NLGN1: variants seen among roughly 807,000 people sequenced by gnomAD.
NLGN1 encodes the protein neuroligin 1, also known as neuroligin-1.
In NLGN1, 12 loss-of-function variants were observed where a neutral mutation model predicts 65.5. That is an observed-to-expected ratio of 0.18 (90% CI 0.12 to 0.30). NLGN1 has a LOEUF of 0.30. Ranked by LOEUF, NLGN1 falls within the 10% of genes least tolerant of loss-of-function variation. The pLI is 1.00. For missense variants in NLGN1, 750 were observed against 1,007.1 expected (o/e 0.74, Z 3.46); for synonymous variants, 350 against 359.5 (o/e 0.97, Z 0.30).
Position 173,836,826 on chromosome 3 carries a change from C to T in NLGN1, c.646+28994C>T, listed in dbSNP as rs530855247. 4.6e-5 allele frequency among the ~76,000 whole-genome samples: 7 copies of T among 152,182 alleles called. No homozygotes were observed. The South Asian group carries it at 8.3e-4, about 18-fold the overall frequency. On this transcript the variant is annotated intron_variant, in intron 4 of 6. Coordinates refer to ENST00000457714, the Ensembl canonical transcript of NLGN1. Reference sequence around the variant, plus strand: ...AAAGTTAGAAGAGTGTGGCATTTCACGTAACTTCAAATTAAAATGAGCATT... The same window carrying T: ...AAAGTTAGAAGAGTGTGGCATTTCATGTAACTTCAAATTAAAATGAGCATT...
At chr3:173,658,045 T>C (rs1349973422) in intron 3 of NLGN1, among the ~76,000 whole-genome samples, 1 of 151,858 alleles carries the variant, frequency 6.6e-6, no homozygotes, top group African/African-American at 2.4e-5. Flanking sequence ...AAAACATAGG[T>C]AATTAAAGAA....
chr3:173,427,419 C>CT (rs890454604), intron 1 of NLGN1, among the ~76,000 whole-genome samples: 1 of 151,744 alleles, frequency 6.6e-6, no homozygotes, highest in African/African-American at 2.4e-5. Flanking sequence ...TTTTAGAAGT[C>CT]TTTTTTCTTT....
intron 2 of NLGN1, among the ~76,000 whole-genome samples, chr3:173,446,780 A>G (rs1014722682): frequency 2.6e-5 from 4 of 152,128 alleles, no homozygotes; most frequent in Non-Finnish European, 4.4e-5. Context: ...ATGGGATCTC[A>G]TTGTGGTTTT....
intron 4 of NLGN1, among the ~76,000 whole-genome samples, chr3:173,899,229 A>G (rs1736887401): frequency 6.6e-6 from 1 of 152,150 alleles, no homozygotes. Context: ...TTAAAAACCT[A>G]AAATGGGATC....
At chr3:174,208,433 C>T (rs537352304) in intron 4 of NLGN1, among the ~76,000 whole-genome samples, 1 of 152,264 alleles carries the variant, frequency 6.6e-6, no homozygotes, top group African/African-American at 2.4e-5. Flanking sequence ...CTCACCATTA[C>T]TGCAGCCAAT....
At chr3:173,915,768 G>A (rs1211167128) in intron 4 of NLGN1, among the ~76,000 whole-genome samples, 1 of 151,304 alleles carries the variant, frequency 6.6e-6, no homozygotes. Context: ...TTCAGACATT[G>A]AATAGCCTTT....
chr3:173,587,292 A>G (rs191331828), intron 2 of NLGN1, among the ~76,000 whole-genome samples: 6 of 152,322 alleles, frequency 3.9e-5, no homozygotes, highest in African/African-American at 1.4e-4. Flanking sequence ...TCTCTTTGTT[A>G]TAATCTACTT....
At chr3:174,070,124 G>T (rs1305638515) in intron 4 of NLGN1, among the ~76,000 whole-genome samples, 1 of 152,138 alleles carries the variant, frequency 6.6e-6, no homozygotes, top group East Asian at 1.9e-4. Flanking sequence ...GCTTTGGAAG[G>T]AGTTAGAAGC....
At chr3:173,815,340 C>T (rs1026668565) in intron 4 of NLGN1, among the ~76,000 whole-genome samples, 2 of 152,118 alleles carry the variant, frequency 1.3e-5, no homozygotes, top group Non-Finnish European at 2.9e-5. Flanking sequence ...ATCTCCTGAC[C>T]TCGTGATCTG....
chr3:174,056,336 AT>A (rs202218536), intron 4 of NLGN1, among the ~76,000 whole-genome samples: 9 of 151,808 alleles, frequency 5.9e-5, no homozygotes, highest in Non-Finnish European at 1.3e-4. Context: ...ATGTAGGCTG[AT>A]TTTTTTTAAA....
chr3:173,768,363 G>A (rs1231109444), intron 3 of NLGN1, among the ~76,000 whole-genome samples: 1 of 152,110 alleles, frequency 6.6e-6, no homozygotes, highest in Non-Finnish European at 1.5e-5. Context: ...CAGGAGCTGA[G>A]AGAAAACTTG....
At chr3:173,462,400 A>G (rs768222924) in intron 2 of NLGN1, among the ~76,000 whole-genome samples, 2 of 148,798 alleles carry the variant, frequency 1.3e-5, no homozygotes, top group South Asian at 4.4e-4. Context: ...AATTTTCTCC[A>G]TTAGATTTTA....
At chr3:174,263,612 A>G (rs1006822789) in intron 4 of NLGN1, among the ~76,000 whole-genome samples, 1 of 152,074 alleles carries the variant, frequency 6.6e-6, no homozygotes, top group East Asian at 1.9e-4. Context: ...AATACAGCAC[A>G]CTGATGGGTC....
At chr3:173,841,743 C>A (rs1724813459) in intron 4 of NLGN1, among the ~76,000 whole-genome samples, 1 of 152,080 alleles carries the variant, frequency 6.6e-6, no homozygotes, top group Admixed American at 6.6e-5. Context: ...CTAAGAAGCA[C>A]TGGAGTGATA....
intron 4 of NLGN1, among the ~76,000 whole-genome samples, chr3:174,094,429 A>G (rs1745080030): frequency 2.6e-5 from 4 of 152,070 alleles, no homozygotes; most frequent in Admixed American, 2.6e-4. Flanking sequence ...GCTCAACACA[A>G]ATTCGTAAAC....
intron 3 of NLGN1, among the ~76,000 whole-genome samples, chr3:173,772,106 G>C: frequency 6.6e-6 from 1 of 151,930 alleles, no homozygotes; most frequent in Non-Finnish European, 1.5e-5. Context: ...TATTTAAAGA[G>C]GAAAGTAAAA....
intron 4 of NLGN1, among the ~76,000 whole-genome samples, chr3:173,964,767 T>C (rs1013544889): frequency 7.2e-5 from 11 of 152,234 alleles, no homozygotes; most frequent in Non-Finnish European, 1.5e-4. Flanking sequence ...TATATATTTA[T>C]GTTCTCAAAT....
chr3:174,006,211 C>T lies in NLGN1; in HGVS notation c.646+198379C>T, dbSNP rs16832584. 8.1e-3 allele frequency among the ~76,000 whole-genome samples: 1,234 copies of T among 152,290 alleles called. 16 individuals carry two copies. Among genetic ancestry groups the T allele is most frequent in the African/African-American group, 0.028 (1,162 of 41,572 alleles). ...ATTTCTTGGCTCACTCCAGGACTTT[C>T]CTACTTCTCTAGACTCAATTTCTAT... is the stretch of plus-strand genomic sequence containing the variant. On this transcript the variant is annotated intron_variant, in intron 4 of 6. Coordinates refer to ENST00000457714, the Ensembl canonical transcript of NLGN1.
intron 4 of NLGN1, among the ~76,000 whole-genome samples, chr3:173,810,383 A>G (rs556255553): frequency 6.6e-6 from 1 of 152,296 alleles, no homozygotes; most frequent in African/African-American, 2.4e-5. Flanking sequence ...TCTAATTTGC[A>G]CTTGAGTGAT....
Sources: gnomAD v4.1 joint callset for allele counts (sites outside exome capture counted in the v4.1 genomes callset) on GRCh38, gnomAD v4.1.1 for gene constraint, MANE v1.5 for transcripts, NCBI Gene and HGNC (gene_info 2026-07-23, HGNC 2026-07-21) for gene names.